PTPN1: variants seen among roughly 807,000 people sequenced by gnomAD.
PTPN1 encodes the protein protein tyrosine phosphatase non-receptor type 1, also known as tyrosine-protein phosphatase non-receptor type 1.
In PTPN1, 12 loss-of-function variants were observed where a neutral mutation model predicts 59.9. The ratio of observed to expected loss-of-function variants is 0.20; its 90% confidence interval spans 0.13 to 0.32. The LOEUF is 0.32. Ranked by LOEUF, PTPN1 falls within the 10% of genes least tolerant of loss-of-function variation. The probability of loss-of-function intolerance (pLI) is 1.00; values close to 1 mark genes in which losing one functional copy is unlikely to be tolerated. For missense variants in PTPN1, 356 were observed against 549.2 expected (o/e 0.65, Z 3.52); for synonymous variants, 178 against 203.6 (o/e 0.87, Z 1.07).
intron 1 of PTPN1, among the ~76,000 whole-genome samples, chr20:50,519,664 A>G (rs2122722098): frequency 6.6e-6 from 1 of 152,250 alleles, no homozygotes; most frequent in South Asian, 2.1e-4. Context: ...TGTTTTATTT[A>G]CAGGGCAAAA....
intron 1 of PTPN1, among the ~76,000 whole-genome samples, chr20:50,544,191 C>T (rs2082664929): frequency 6.6e-6 from 1 of 151,922 alleles, no homozygotes; most frequent in Non-Finnish European, 1.5e-5. Context: ...CTTACTGTTG[C>T]CCAGGCTGAA....
intron 3 of PTPN1, among the ~76,000 whole-genome samples, chr20:50,567,445 ATAAAG>A (rs973741003): frequency 3.3e-5 from 5 of 152,164 alleles, no homozygotes; most frequent in African/African-American, 1.2e-4. Context: ...TTAAAAAAAA[ATAAAG>A]AGGTTAGGTG....
At chr20:50,523,146 G>A (rs2082558617) in intron 1 of PTPN1, among the ~76,000 whole-genome samples, 1 of 152,134 alleles carries the variant, frequency 6.6e-6, no homozygotes, top group African/African-American at 2.4e-5. Flanking sequence ...GGGGGAAGGG[G>A]AAGAAGAGGA....
At chr20:50,539,642 C>CTG (rs2082640101) in intron 1 of PTPN1, among the ~76,000 whole-genome samples, 5 of 128,620 alleles carry the variant, frequency 3.9e-5, no homozygotes, top group African/African-American at 9.1e-5. Flanking sequence ...CCCTCTTTCT[C>CTG]TCTTTTTTTT....
At position 50,574,548 on chromosome 20, in the gene PTPN1, A is replaced by G; in HGVS notation, c.386A>G (p.Glu129Gly). Residue 129 changes from glutamate to glycine, a missense_variant, in exon 5 of 10, where the codon GAA (glutamate) becomes GGA (glycine). Around this residue, in one of 3 missense-constraint regions of PTPN1, gnomAD observed 194 missense variants for 344.2 expected, o/e 0.56. Coordinates refer to ENST00000371621, the MANE Select transcript of PTPN1 (RefSeq NM_002827.4). ...LKCAQYWPQKEEKEMIFEDTN... is the reference protein window; with the variant it reads ...LKCAQYWPQKGEKEMIFEDTN... ...TGCGCACAATACTGGCCACAAAAAG[A>G]AGAAAAAGAGATGATCTTTGAAGAC... The G allele has an allele frequency of 1.9e-6, 3 of 1,606,758 alleles. No homozygotes were observed. Among genetic ancestry groups the G allele is most frequent in the Non-Finnish European group, 2.5e-6 (3 of 1,177,902 alleles).
chr20:50,567,467 G>A (rs919673646), intron 3 of PTPN1, among the ~76,000 whole-genome samples: 1 of 152,108 alleles, frequency 6.6e-6, no homozygotes, highest in African/African-American at 2.4e-5. Flanking sequence ...GGTGAAAATA[G>A]ATGAGAATGG....
intron 5 of PTPN1, among the ~76,000 whole-genome samples, chr20:50,576,736 C>T (rs1162695889): frequency 2.0e-5 from 3 of 151,510 alleles, no homozygotes. Context: ...ATTAGCCGGG[C>T]GTGGTGGCGG....
Position 50,582,830 on chromosome 20 carries a change from G to C in PTPN1, c.*115G>C. ...GGCCGCCGGACCGCGTAGAGAGCCG[G>C]GCCCCGGACGGACGTTGGTTCTGCA... On this transcript the variant is annotated 3_prime_UTR_variant, in exon 10 of 10. Coordinates refer to ENST00000371621, the MANE Select transcript of PTPN1 (RefSeq NM_002827.4). This position sits in a 1 kb window ranked among gnomAD's most constrained non-coding sequence, Gnocchi z 4.2. The C allele has an allele frequency of 7.7e-7, 1 of 1,298,250 alleles. No homozygotes were observed. 80.4% of individuals were successfully genotyped at this position (1,298,250 alleles called of 1,614,324 possible).
In PTPN1 at chr20:50,564,336, T is replaced by TAATCCCAGCACTTTGGGGAGGC. The variant is rs2082768785; in HGVS notation, c.155-632_155-611dup. 4.6e-5 allele frequency among the ~76,000 whole-genome samples: 7 copies of TAATCCCAGCACTTTGGGGAGGC among 152,318 alleles called. No individual in the cohort carries two copies. In the South Asian group the frequency reaches 1.5e-3, roughly 32 times the overall value. On this transcript the variant is annotated intron_variant, in intron 2 of 9. Coordinates refer to ENST00000371621, the MANE Select transcript of PTPN1 (RefSeq NM_002827.4). Reference sequence around the variant, plus strand: ...GCCAGGCATGGGTGGCTCACACTTGTAATCCCAGCACTTTGGGGAGGCTGA... The same window carrying TAATCCCAGCACTTTGGGGAGGC: ...GCCAGGCATGGGTGGCTCACACTTGTAATCCCAGCACTTTGGGGAGGCAATCCCAGCACTTTGGGGAGGCTGA...
At chr20:50,546,211 T>C (rs1359680246) in intron 1 of PTPN1, among the ~76,000 whole-genome samples, 2 of 152,178 alleles carry the variant, frequency 1.3e-5, no homozygotes, top group East Asian at 1.9e-4. Context: ...GGCAGGTCTT[T>C]TGTCTTTCTT....
chr20:50,519,414 T>A (rs1248493546), intron 1 of PTPN1, among the ~76,000 whole-genome samples: 1 of 152,242 alleles, frequency 6.6e-6, no homozygotes, highest in Admixed American at 6.5e-5. Context: ...CTTGTTCCAC[T>A]ACTCGAATGG....
In PTPN1 at chr20:50,579,941, T is replaced by C; in HGVS notation, c.1088+15T>C. The C allele has an allele frequency of 6.2e-7, 1 of 1,607,672 alleles. No individual in the cohort carries two copies. The highest frequency in any genetic ancestry group is 8.5e-7 in the Non-Finnish European group (1 of 1,174,836). ...GGCATCGAAAGGTAATATGATTGGGTCCCAGCTTGTTGGGGTGAGGGGAAA... is the reference window on the plus strand; with the variant it reads ...GGCATCGAAAGGTAATATGATTGGGCCCCAGCTTGTTGGGGTGAGGGGAAA... On this transcript the variant is annotated intron_variant, in intron 8 of 9. Transcript: ENST00000371621.
intron 1 of PTPN1, among the ~76,000 whole-genome samples, chr20:50,548,929 G>C (rs1426036165): frequency 6.6e-6 from 1 of 152,150 alleles, no homozygotes; most frequent in Non-Finnish European, 1.5e-5. Context: ...TGTTGGCCAG[G>C]CTGGTCTTGA....
At position 50,533,824 on chromosome 20, in the gene PTPN1, A is replaced by G. The variant is rs369509018; in HGVS notation, c.63+23234A>G. On this transcript the variant is annotated intron_variant, in intron 1 of 9. Transcript: ENST00000371621. ...TCGCTAGAACTCCAGATTGTTCCAC[A>G]AGTGCCTTCTGGCAGAGAATGATGG... Among the ~76,000 whole-genome samples the G allele has an allele frequency of 1.2e-4, 18 of 152,308 alleles. 1 individual carries two copies. The highest frequency in any genetic ancestry group is 9.6e-4 in the East Asian group (5 of 5,190).
At chr20:50,569,101 C>G (rs2082793746) in intron 4 of PTPN1, among the ~76,000 whole-genome samples, 1 of 152,184 alleles carries the variant, frequency 6.6e-6, no homozygotes. Context: ...AGCCACCTCT[C>G]CTTCTTGACT....
At chr20:50,558,220 T>C (rs2082734640) in intron 1 of PTPN1, among the ~76,000 whole-genome samples, 1 of 152,180 alleles carries the variant, frequency 6.6e-6, no homozygotes, top group South Asian at 2.1e-4. Context: ...TACAGAATGA[T>C]TTTCCACAAG....
chr20:50,566,910 G>A lies in PTPN1; in HGVS notation c.256-1470G>A, dbSNP rs985843715. Among the ~76,000 whole-genome samples, 9 of 152,230 alleles carry A rather than the reference G, an allele frequency of 5.9e-5. No homozygotes were observed. The East Asian group carries it at 1.7e-3, about 29-fold the overall frequency. On this transcript the variant is annotated intron_variant, in intron 3 of 9. Transcript: ENST00000371621. Reference sequence around the variant, plus strand: ...ATGCAAGGCCCAGGTGGCCAGCCATGTGCCACGGGATTTCTGGCTGCCAAG... The same window carrying A: ...ATGCAAGGCCCAGGTGGCCAGCCATATGCCACGGGATTTCTGGCTGCCAAG...
intron 1 of PTPN1, among the ~76,000 whole-genome samples, chr20:50,530,363 T>TTTTTC (rs1252450735): frequency 6.6e-6 from 1 of 152,000 alleles, no homozygotes; most frequent in African/African-American, 2.4e-5. Flanking sequence ...TTTTAATTTG[T>TTTTTC]TTTTCTTTTC....
chr20:50,525,612 A>ATT (rs10854185), intron 1 of PTPN1, among the ~76,000 whole-genome samples: 16 of 146,886 alleles, frequency 1.1e-4, no homozygotes, highest in East Asian at 4.0e-4. Flanking sequence ...CCTGGATTTG[A>ATT]TTTTTTTTTT....
Sources: allele counts gnomAD v4.1 joint callset (sites outside exome capture counted in the v4.1 genomes callset), GRCh38; gene constraint gnomAD v4.1.1; regional missense constraint gnomAD v4.1.1; non-coding constraint Gnocchi (gnomAD v3.1); transcripts MANE v1.5; gene names NCBI Gene and HGNC (gene_info 2026-07-23, HGNC 2026-07-21).